The following ADAMTS16 variants were observed in gnomAD, a reference collection of about 807,000 sequenced individuals.
ADAMTS16 encodes the protein A disintegrin and metalloproteinase with thrombospondin motifs 16.
In ADAMTS16, 94 loss-of-function variants were observed where a neutral mutation model predicts 145.8. That is an observed-to-expected ratio of 0.64 (90% CI 0.55 to 0.77). The LOEUF is 0.77. ADAMTS16 is among the 30% of genes least tolerant of loss of function. The pLI is 0.00. For missense variants in ADAMTS16, 1,585 were observed against 1,591.5 expected (o/e 1.00, Z 0.07); for synonymous variants, 659 against 604.3 (o/e 1.09, Z -1.33).
intron 18 of ADAMTS16, among the ~76,000 whole-genome samples, chr5:5,296,675 A>C (rs1179707333): frequency 6.6e-6 from 1 of 152,190 alleles, no homozygotes; most frequent in Non-Finnish European, 1.5e-5. Flanking sequence ...TTCATACAGA[A>C]CAGGAGCGAG....
At chr5:5,301,428 C>T (rs982610135) in intron 18 of ADAMTS16, among the ~76,000 whole-genome samples, 1 of 152,174 alleles carries the variant, frequency 6.6e-6, no homozygotes, top group Non-Finnish European at 1.5e-5. Context: ...GCATATACTG[C>T]CTGCTCTGAA....
chr5:5,239,329 C>T, intron 15 of ADAMTS16, 55 bp downstream of exon 15: 2 of 1,502,626 alleles, frequency 1.3e-6, no homozygotes, highest in Non-Finnish European at 8.9e-7. Context: ...GTAACTGGGG[C>T]TTCTTAGCAG....
chr5:5,184,706 G>A (rs940687289), intron 4 of ADAMTS16, among the ~76,000 whole-genome samples: 1 of 152,020 alleles, frequency 6.6e-6, no homozygotes, highest in African/African-American at 2.4e-5. Flanking sequence ...GGGCCTGTGT[G>A]TTCTGGGGAC....
intron 3 of ADAMTS16, among the ~76,000 whole-genome samples, chr5:5,180,826 T>C (rs768781245): frequency 3.3e-5 from 5 of 152,178 alleles, no homozygotes; most frequent in African/African-American, 4.8e-5. Flanking sequence ...TACATCTCTA[T>C]TTCCTCACCC....
intron 18 of ADAMTS16, among the ~76,000 whole-genome samples, chr5:5,297,768 C>T (rs890682204): frequency 2.0e-5 from 3 of 152,212 alleles, no homozygotes; most frequent in African/African-American, 7.2e-5. Flanking sequence ...TTGTGAGGAG[C>T]TTTGATGTCC....
At chr5:5,301,216 A>G (rs1351323606) in intron 18 of ADAMTS16, among the ~76,000 whole-genome samples, 4 of 151,942 alleles carry the variant, frequency 2.6e-5, no homozygotes, top group Admixed American at 2.6e-4. Context: ...GTATCACCTC[A>G]CCCAGCTAAT....
chr5:5,242,379 C>T (rs548969266), intron 17 of ADAMTS16, among the ~76,000 whole-genome samples, 188 bp downstream of exon 17: 1 of 152,316 alleles, frequency 6.6e-6, no homozygotes, highest in East Asian at 1.9e-4. Context: ...CTTCTCCAGT[C>T]TATCTGCTTC....
chr5:5,261,740 G>T (rs1245472552), intron 17 of ADAMTS16, among the ~76,000 whole-genome samples: 1 of 152,022 alleles, frequency 6.6e-6, no homozygotes, highest in Non-Finnish European at 1.5e-5. Flanking sequence ...CGCCTCGGCC[G>T]CCCAAAGTAT....
intron 9 of ADAMTS16, among the ~76,000 whole-genome samples, chr5:5,206,233 C>T (rs1055715312): frequency 1.6e-4 from 24 of 149,292 alleles, no homozygotes; most frequent in African/African-American, 4.0e-4. Flanking sequence ...GAGACCATCC[C>T]GGCTAACACG....
intron 17 of ADAMTS16, among the ~76,000 whole-genome samples, chr5:5,259,062 T>C (rs1405835875): frequency 6.6e-6 from 1 of 152,136 alleles, no homozygotes; most frequent in Admixed American, 6.5e-5. Flanking sequence ...CCCGTGTCCA[T>C]GCTGGGTGTG....
Position 5,318,193 on chromosome 5 carries a change from C to T in ADAMTS16, c.3471C>T (p.Gly1157=). 1 of 1,561,436 alleles carries T rather than the reference C, an allele frequency of 6.4e-7. No individual in the cohort carries two copies. Among genetic ancestry groups the T allele is most frequent in the Non-Finnish European group, 8.7e-7 (1 of 1,149,140 alleles). The part of the protein sequence containing the change: ...QTRSVQCLAG[G]RPASGCLLHQ... ...GGTCCGTGCAGTGCCTGGCTGGGGGCCGGCCGGCCTCAGGCTGCCTCCTGC... is the reference window on the plus strand; with the variant it reads ...GGTCCGTGCAGTGCCTGGCTGGGGGTCGGCCGGCCTCAGGCTGCCTCCTGC... The change falls in exon 22 of 23, where the codon GGC becomes GGT. Residue 1157 remains glycine (G), a synonymous_variant. Coordinates refer to ENST00000274181, the MANE Select transcript of ADAMTS16 (RefSeq NM_139056.4).
intron 11 of ADAMTS16, among the ~76,000 whole-genome samples, chr5:5,225,952 A>ATTAATTCACATGGTCATGGTGAAATT (rs1553992256): frequency 6.6e-6 from 1 of 152,156 alleles, no homozygotes; most frequent in African/African-American, 2.4e-5. Context: ...GGCGAAATTC[A>ATTAATTCACATGGTCATGGTGAAATT]ACAGAGCTCT....
chr5:5,305,113 ACACACACACCCCACAC>A (rs1740020600), intron 20 of ADAMTS16, among the ~76,000 whole-genome samples: 15 of 53,340 alleles, frequency 2.8e-4, no homozygotes, highest in East Asian at 5.7e-4. Flanking sequence ...ATCCCACACC[ACACACACACCCCACAC>A]CACACACACA....
chr5:5,307,853 T>C (rs921395610), intron 21 of ADAMTS16, among the ~76,000 whole-genome samples: 4 of 152,146 alleles, frequency 2.6e-5, no homozygotes, highest in Non-Finnish European at 5.9e-5. Flanking sequence ...ACTGGGGTCC[T>C]TGGGTCCTAG....
chr5:5,283,291 G>T (rs1358638594), intron 18 of ADAMTS16, among the ~76,000 whole-genome samples: 1 of 152,102 alleles, frequency 6.6e-6, no homozygotes, highest in Non-Finnish European at 1.5e-5. Context: ...TCTGATTATG[G>T]AAACATTCAC....
intron 18 of ADAMTS16, among the ~76,000 whole-genome samples, chr5:5,282,700 T>C (rs576430150): frequency 6.6e-6 from 1 of 152,340 alleles, no homozygotes; most frequent in South Asian, 2.1e-4. Context: ...ATATTCTTGT[T>C]GTCAAGTTTA....
rs1734222289 is a variant in ADAMTS16 at position 5,319,982 on chromosome 5, T to G, written c.*844T>G. The G allele has an allele frequency of 2.2e-6, 1 of 452,140 alleles. No individual in the cohort carries two copies. The highest frequency in any genetic ancestry group is 1.6e-5 in the South Asian group (1 of 63,822). The allele number at this position is 452,140 out of a possible 1,614,324, so 28.0% of individuals were successfully genotyped here. Reference sequence around the variant, plus strand: ...AGGTTACATCAAAACCCTACCATCCTGAGAAGAGTTATGGTTCTATTATAG... The same window carrying G: ...AGGTTACATCAAAACCCTACCATCCGGAGAAGAGTTATGGTTCTATTATAG... On this transcript the variant is annotated 3_prime_UTR_variant, in exon 23 of 23. Transcript: ENST00000274181.
chr5:5,256,764 T>C (rs998169342), intron 17 of ADAMTS16, among the ~76,000 whole-genome samples: 2 of 152,234 alleles, frequency 1.3e-5, no homozygotes, highest in African/African-American at 2.4e-5. Context: ...ACAGAAGGTT[T>C]GAATTTCACA....
chr5:5,177,745 G>T (rs1254376347), intron 3 of ADAMTS16, among the ~76,000 whole-genome samples: 1 of 152,080 alleles, frequency 6.6e-6, no homozygotes, highest in Non-Finnish European at 1.5e-5. Flanking sequence ...CAAAACAAAT[G>T]ACACTTCAGG....
Sources: gnomAD v4.1 joint callset for allele counts (sites outside exome capture counted in the v4.1 genomes callset) on GRCh38, gnomAD v4.1.1 for gene constraint, MANE v1.5 for transcripts, NCBI Gene and HGNC (gene_info 2026-07-23, HGNC 2026-07-21) for gene names.